The following BMP1 variants were observed in gnomAD, a reference collection of about 807,000 sequenced individuals.
BMP1 encodes mammalian tolloid protein.
A neutral mutation model predicts 116.8 loss-of-function variants in BMP1; 63 were observed. That is an observed-to-expected ratio of 0.54 (90% CI 0.44 to 0.67). BMP1 has a LOEUF of 0.67. Among genes scored for constraint, BMP1 ranks in the 30% least tolerant of loss-of-function variants. BMP1 has a pLI of 0.00. For missense variants in BMP1, 1,183 were observed against 1,358.9 expected (o/e 0.87, Z 2.04); for synonymous variants, 536 against 533.4 (o/e 1.00, Z -0.07).
chr8:22,207,068 C>G, intron 17 of BMP1, 87 bp downstream of exon 17: 1 of 1,559,474 alleles, frequency 6.4e-7, no homozygotes, highest in East Asian at 2.4e-5. Flanking sequence ...GCAGGCTGAG[C>G]CCAGAGGTCT....
rs879720934 is a variant in BMP1 at position 22,193,975 on chromosome 8, C to A, written c.1181-83C>A. 2.7e-6 allele frequency: 3 copies of A among 1,123,474 alleles called. No homozygotes were observed. The African/African-American group carries it at 4.6e-5, about 17-fold the overall frequency. 69.6% of individuals were successfully genotyped at this position (1,123,474 alleles called of 1,614,324 possible). On this transcript the variant is annotated intron_variant, in intron 9 of 19. Coordinates refer to ENST00000306385, the MANE Select transcript of BMP1 (RefSeq NM_006129.5). ...GGGTGGCCACAGATCAGGGCCCAAGCACCCAAGCCTCCTGGAGAGGTGGGG... is the reference window on the plus strand; with the variant it reads ...GGGTGGCCACAGATCAGGGCCCAAGAACCCAAGCCTCCTGGAGAGGTGGGG...
Position 22,201,823 on chromosome 8 carries a change from G to A in BMP1, c.2128G>A (p.Asp710Asn), listed in dbSNP as rs749982278. The A allele has an allele frequency of 1.4e-5, 23 of 1,613,084 alleles. No homozygotes were observed. The highest frequency in any genetic ancestry group is 8.5e-7 in the Non-Finnish European group (1 of 1,179,986). Residue 710 changes from aspartate to asparagine, a missense_variant, in exon 16 of 20, where the codon GAT becomes AAT. Asp to Asn is a conservative substitution (Grantham distance 23, BLOSUM62 1). This residue lies in a region of BMP1 where 956 missense variants were observed against 1,135.2 expected (regional missense o/e 0.84). Coordinates refer to ENST00000306385, the MANE Select transcript of BMP1 (RefSeq NM_006129.5). ...FFSDKDECSK[D>N]NGGCQQDCVN... is the part of the protein sequence containing the mutation. ...TGCAGACAAGGACGAGTGCTCCAAG[G>A]ATAACGGCGGCTGCCAGCAGGACTG...
chr8:22,194,875 A>T lies in BMP1; in HGVS notation c.1595A>T (p.Asp532Val). 1 of 1,613,488 alleles carries T rather than the reference A, an allele frequency of 6.2e-7. No individual in the cohort carries two copies. The highest frequency in any genetic ancestry group is 1.1e-5 in the South Asian group (1 of 90,970). The change falls in exon 12 of 20, where the codon GAC (aspartate) becomes GTC (valine). Residue 532 changes from aspartate to valine, a missense_variant. Physicochemically the swap from Asp to Val is radical, Grantham distance 152. Coordinates refer to ENST00000306385, the MANE Select transcript of BMP1 (RefSeq NM_006129.5). The surrounding 1 kb of genome is among the most constrained non-coding windows in gnomAD (Gnocchi z 4.5). ...SSRLWLKFVSDGSINKAGFAV... is the reference protein window; with the variant it reads ...SSRLWLKFVSVGSINKAGFAV... The stretch of plus-strand genomic sequence containing the variant: ...CGCCTCTGGCTCAAGTTCGTCTCTG[A>T]CGGGTCCATTAACAAAGCGGGCTTT...
intron 8 of BMP1, among the ~76,000 whole-genome samples, chr8:22,186,902 T>C (rs897510615): frequency 2.6e-5 from 4 of 152,234 alleles, no homozygotes; most frequent in Non-Finnish European, 4.4e-5. Flanking sequence ...CAAATTAATA[T>C]ACATAAAGTC....
intron 15 of BMP1, among the ~76,000 whole-genome samples, chr8:22,199,808 G>A (rs1297841073): frequency 1.3e-5 from 2 of 152,148 alleles, no homozygotes; most frequent in African/African-American, 4.8e-5. Context: ...GAGGGCTCTC[G>A]ATCAGGCCCC....
rs1410998484 is a variant in BMP1 at position 22,196,661 on chromosome 8, A to G, written c.1766-19A>G. 3 of 1,613,174 alleles carry G rather than the reference A, an allele frequency of 1.9e-6. No individual in the cohort carries two copies. Among genetic ancestry groups the G allele is most frequent in the East Asian group, 2.2e-5 (1 of 44,840 alleles). ...GCAGGGGCTCCCCGCAGACGATGCC[A>G]CCTTCCTTGTCCCCGCAGCTGCTTG... On this transcript the variant is annotated intron_variant, in intron 13 of 19. Transcript: ENST00000306385.
intron 15 of BMP1, 124 bp downstream of exon 15, chr8:22,197,544 C>G: frequency 9.3e-7 from 1 of 1,074,950 alleles, no homozygotes; most frequent in African/African-American, 1.6e-5. Context: ...GAGTCTGCCC[C>G]CTGCTCCCCA....
Position 22,182,389 on chromosome 8 carries a change from G to A in BMP1, c.1077+1906G>A, listed in dbSNP as rs117392049. Among the ~76,000 whole-genome samples, 26 of 152,268 alleles carry A rather than the reference G, an allele frequency of 1.7e-4. No individual in the cohort carries two copies. In the East Asian group the frequency reaches 5.0e-3, roughly 29 times the overall value. On this transcript the variant is annotated intron_variant, in intron 8 of 19. Coordinates refer to ENST00000306385, the MANE Select transcript of BMP1 (RefSeq NM_006129.5). Reference sequence around the variant, plus strand: ...GCATTAATCTTTTAATCTAGGCTTTGAGCAGAGTTATTACACCAGTTATGA... The same window carrying A: ...GCATTAATCTTTTAATCTAGGCTTTAAGCAGAGTTATTACACCAGTTATGA...
intron 7 of BMP1, among the ~76,000 whole-genome samples, 199 bp downstream of exon 7, chr8:22,180,028 G>A (rs1033724387): frequency 3.3e-5 from 5 of 152,110 alleles, no homozygotes; most frequent in East Asian, 1.9e-4. Flanking sequence ...GTCAGAAGCC[G>A]AGCCGCCACC....
intron 15 of BMP1, chr8:22,201,333 C>G (rs1829258010): frequency 1.3e-6 from 2 of 1,502,010 alleles, no homozygotes; most frequent in African/African-American, 1.4e-5. Context: ...TCTGGCCGGA[C>G]AGAACTGGTG....
In BMP1 at chr8:22,179,867, C is replaced by T. The variant is rs780737120; in HGVS notation, c.961+38C>T. On this transcript the variant is annotated intron_variant, in intron 7 of 19. Coordinates refer to ENST00000306385, the MANE Select transcript of BMP1 (RefSeq NM_006129.5). The surrounding 1 kb of genome is among the most constrained non-coding windows in gnomAD (Gnocchi z 4.6). Reference sequence around the variant, plus strand: ...AAGGGATGGGTGAGGGCGTGGAGGGCAGGGCCTGAGGGAGGCAGAGGCCAG... The same window carrying T: ...AAGGGATGGGTGAGGGCGTGGAGGGTAGGGCCTGAGGGAGGCAGAGGCCAG... The T allele has an allele frequency of 6.3e-7, 1 of 1,590,926 alleles. No individual in the cohort carries two copies.
chr8:22,195,402 A>G lies in BMP1; in HGVS notation c.1640-60A>G, dbSNP rs1245744766. The G allele has an allele frequency of 1.9e-6, 3 of 1,551,528 alleles. No homozygotes were observed. The East Asian group carries it at 7.0e-5, about 36-fold the overall frequency. The stretch of plus-strand genomic sequence containing the variant: ...GGGGCTGAGTGGACAAGTGAGGCTC[A>G]CAGCCAGCTTCTTCCCTTGAATGCC... On this transcript the variant is annotated intron_variant, in intron 12 of 19. Coordinates refer to ENST00000306385, the MANE Select transcript of BMP1 (RefSeq NM_006129.5).
At chr8:22,205,290 G>A (rs954437706) in intron 16 of BMP1, among the ~76,000 whole-genome samples, 1 of 152,134 alleles carries the variant, frequency 6.6e-6, no homozygotes, top group East Asian at 1.9e-4. Context: ...GTATCAAGTG[G>A]TCTGGGGGCC....
intron 15 of BMP1, chr8:22,199,398 T>G (rs372784505): frequency 3.4e-5 from 43 of 1,267,216 alleles, no homozygotes; most frequent in Non-Finnish European, 6.2e-6. Flanking sequence ...GTGAGTGCCA[T>G]CTCCTTGCCT....
chr8:22,206,738 A>G, intron 16 of BMP1, 116 bp from the exon 17 acceptor site: 1 of 1,459,712 alleles, frequency 6.9e-7, no homozygotes, highest in Non-Finnish European at 9.4e-7. Context: ...TCCAGTTCAT[A>G]AGTGGGACAA....
chr8:22,200,653 G>C (rs1459396982), intron 15 of BMP1, among the ~76,000 whole-genome samples: 3 of 152,226 alleles, frequency 2.0e-5, no homozygotes, highest in Middle Eastern at 3.4e-3. Context: ...GCCACATTTG[G>C]GTGACGGTAC....
intron 18 of BMP1, among the ~76,000 whole-genome samples, chr8:22,208,094 G>C (rs182771348): frequency 6.6e-6 from 1 of 152,236 alleles, no homozygotes; most frequent in Non-Finnish European, 1.5e-5. Flanking sequence ...ATGTTGGCCA[G>C]GCCAGTCTCA....
rs1488741825 is a variant in BMP1 at position 22,194,579 on chromosome 8, C to T, written c.1432C>T (p.Gln478Ter). Residue 478 changes from glutamine to a stop codon, truncating the protein, a stop_gained, in exon 11 of 20, where the codon CAG (glutamine) becomes TAG (stop). Coordinates refer to ENST00000306385, the MANE Select transcript of BMP1 (RefSeq NM_006129.5). LOFTEE classifies it high-confidence loss of function. This position sits in a 1 kb window ranked among gnomAD's most constrained non-coding sequence, Gnocchi z 4.5. ...GGGCTTCCACGTGGGCCTCACATTCCAGTCCTTTGAGGTAGGTCAGTGGCC... is the reference window on the plus strand; with the variant it reads ...GGGCTTCCACGTGGGCCTCACATTCTAGTCCTTTGAGGTAGGTCAGTGGCC... The part of the protein sequence containing the change: ...SEGFHVGLTF[Q>*]SFEIERHDSC... 6.2e-7 allele frequency: 1 copy of T among 1,614,160 alleles called. No individual in the cohort carries two copies. The highest frequency in any genetic ancestry group is 8.5e-7 in the Non-Finnish European group (1 of 1,180,008).
chr8:22,207,345 T>A lies in BMP1; in HGVS notation c.2404T>A (p.Tyr802Asn). 1 of 1,614,056 alleles carries A rather than the reference T, an allele frequency of 6.2e-7. No individual in the cohort carries two copies. The highest frequency in any genetic ancestry group is 2.2e-5 in the East Asian group (1 of 44,868). ...MDIESQPECA[Y>N]DHLEVFDGRD... Reference sequence around the variant, plus strand: ...CATCGAGTCCCAGCCTGAGTGTGCCTACGACCACCTAGAGGTGTTCGACGG... The same window carrying A: ...CATCGAGTCCCAGCCTGAGTGTGCCAACGACCACCTAGAGGTGTTCGACGG... The change falls in exon 18 of 20, where the codon TAC becomes AAC. Residue 802 changes from tyrosine to asparagine, a missense_variant. Physicochemically the swap from Tyr to Asn is moderately radical, Grantham distance 143. Around this residue, in one of 4 missense-constraint regions of BMP1, gnomAD observed 956 missense variants for 1,135.2 expected, o/e 0.84. Transcript: ENST00000306385.
Sources: gnomAD v4.1 joint callset for allele counts (sites outside exome capture counted in the v4.1 genomes callset) on GRCh38, gnomAD v4.1.1 for gene constraint, gnomAD v4.1.1 regional missense constraint, Gnocchi (gnomAD v3.1) non-coding constraint, MANE v1.5 for transcripts, NCBI Gene and HGNC (gene_info 2026-07-23, HGNC 2026-07-21) for gene names.